The following ARHGEF4 variants were observed in gnomAD, a reference collection of about 807,000 sequenced individuals.
ARHGEF4 encodes the protein Rho guanine nucleotide exchange factor 4, also known as APC-stimulated guanine nucleotide exchange factor 1.
Under a neutral mutation model 162.0 loss-of-function variants are expected in ARHGEF4, and 119 were observed. The ratio of observed to expected loss-of-function variants is 0.73; its 90% CI spans 0.63 to 0.86. The LOEUF (loss-of-function observed/expected upper bound fraction) is 0.86. Ranked by LOEUF, ARHGEF4 falls within the 40% of genes least tolerant of loss-of-function variation. ARHGEF4 has a pLI of 0.00. For synonymous variants in ARHGEF4, 1,014 were observed against 979.9 expected, an observed-to-expected ratio of 1.03 and a Z score of -0.65; for missense variants, 2,488 against 2,456.0, an observed-to-expected ratio of 1.01 and a Z score of -0.28.
At chr2:130,926,048 C>CTTTCTT in intron 2 of ARHGEF4, among the ~76,000 whole-genome samples, 39 of 53,414 alleles carry the variant, frequency 7.3e-4, no homozygotes, top group South Asian at 1.6e-3. Flanking sequence ...TTCTTTCTTT[C>CTTTCTT]TCTTTCTTTC....
chr2:130,870,986 C>T (rs536182116), intron 1 of ARHGEF4, among the ~76,000 whole-genome samples: 1 of 152,192 alleles, frequency 6.6e-6, no homozygotes, highest in Non-Finnish European at 1.5e-5. Context: ...CTAGGTAAGC[C>T]GTGGTGAACA....
intron 6 of ARHGEF4, chr2:131,039,254 G>A (rs1258315943): frequency 1.6e-5 from 21 of 1,295,020 alleles, no homozygotes; most frequent in Middle Eastern, 2.8e-4. Context: ...GAGAGCAGTC[G>A]AGAAATGAGT....
intron 1 of ARHGEF4, among the ~76,000 whole-genome samples, chr2:130,879,345 A>G (rs1480619418): frequency 6.6e-6 from 1 of 152,200 alleles, no homozygotes; most frequent in African/African-American, 2.4e-5. Flanking sequence ...ATATATATTT[A>G]TGGTGTACAA....
At chr2:130,876,052 G>GTCAGCTT (rs1205634067) in intron 1 of ARHGEF4, among the ~76,000 whole-genome samples, 1 of 152,222 alleles carries the variant, frequency 6.6e-6, no homozygotes, top group Non-Finnish European at 1.5e-5. Context: ...TACCTGGAAT[G>GTCAGCTT]TCAGCTTTTT....
intron 10 of ARHGEF4, among the ~76,000 whole-genome samples, chr2:131,042,655 G>A (rs1034132826): frequency 5.3e-5 from 8 of 152,190 alleles, no homozygotes; most frequent in Admixed American, 1.3e-4. Flanking sequence ...GCCCTGGGGC[G>A]GGGCTGAGGA....
intron 1 of ARHGEF4, among the ~76,000 whole-genome samples, chr2:130,840,090 CA>C: frequency 6.6e-6 from 1 of 152,070 alleles, no homozygotes; most frequent in East Asian, 1.9e-4. Flanking sequence ...CTGAGTACTG[CA>C]GCAGGAAGCA....
chr2:131,043,668 C>T, intron 11 of ARHGEF4, 85 bp downstream of exon 11: 1 of 1,592,454 alleles, frequency 6.3e-7, no homozygotes, highest in East Asian at 2.2e-5. Flanking sequence ...GCCCAGAAGA[C>T]AGGTGCCAGC....
chr2:130,976,069 T>C (rs1346736933), intron 4 of ARHGEF4, among the ~76,000 whole-genome samples: 1 of 152,136 alleles, frequency 6.6e-6, no homozygotes. Context: ...CCGTGTTTAC[T>C]CTGCTCGGAC....
At chr2:130,939,553 C>A (rs1023035018) in intron 3 of ARHGEF4, among the ~76,000 whole-genome samples, 2 of 151,944 alleles carry the variant, frequency 1.3e-5, no homozygotes, top group Admixed American at 6.6e-5. Context: ...TTTTTTTCAA[C>A]ATTGTTTTAC....
intron 1 of ARHGEF4, among the ~76,000 whole-genome samples, chr2:130,894,684 A>G (rs1680053670): frequency 6.6e-6 from 1 of 151,920 alleles, no homozygotes. Context: ...AGGAAGAACT[A>G]GTGAGGCTCC....
At chr2:130,840,177 GACACACAGGCAC>G (rs1680508551) in intron 1 of ARHGEF4, among the ~76,000 whole-genome samples, 2 of 151,694 alleles carry the variant, frequency 1.3e-5, no homozygotes, top group Admixed American at 1.3e-4. Context: ...ACACACTTGG[GACACACAGGCAC>G]ACACACAGAC....
chr2:131,025,326 C>A (rs1049509723), intron 4 of ARHGEF4, among the ~76,000 whole-genome samples: 1 of 152,190 alleles, frequency 6.6e-6, no homozygotes, highest in Non-Finnish European at 1.5e-5. Flanking sequence ...GGAAATCCGC[C>A]CCCATGATCC....
intron 1 of ARHGEF4, among the ~76,000 whole-genome samples, chr2:130,848,236 C>T (rs1681135077): frequency 6.6e-6 from 1 of 152,156 alleles, no homozygotes; most frequent in Non-Finnish European, 1.5e-5. Flanking sequence ...TGCTCCCGCC[C>T]ACCCTGTGGG....
chr2:130,866,890 AG>A (rs1682316847), intron 1 of ARHGEF4, among the ~76,000 whole-genome samples: 1 of 152,170 alleles, frequency 6.6e-6, no homozygotes, highest in Admixed American at 6.5e-5. Context: ...GGGATGAGTT[AG>A]GAAGTGTTCT....
chr2:130,968,169 A>C (rs768005865), intron 4 of ARHGEF4, among the ~76,000 whole-genome samples: 14 of 152,196 alleles, frequency 9.2e-5, no homozygotes, highest in Non-Finnish European at 1.5e-4. Flanking sequence ...TAGATACACA[A>C]AGTGACTCTG....
At chr2:130,867,420 T>G (rs1393802744) in intron 1 of ARHGEF4, among the ~76,000 whole-genome samples, 4 of 151,806 alleles carry the variant, frequency 2.6e-5, no homozygotes, top group African/African-American at 9.7e-5. Context: ...GTATTTTTAG[T>G]AGAGAGGGGG....
In ARHGEF4 at chr2:131,041,866, G is replaced by A. The variant is rs764654536; in HGVS notation, c.4947G>A (p.Gln1649=). 1 of 1,613,662 alleles carries A rather than the reference G, an allele frequency of 6.2e-7. No homozygotes were observed. Among genetic ancestry groups the A allele is most frequent in the Non-Finnish European group, 8.5e-7 (1 of 1,180,016 alleles). The change falls in exon 10 of 14, where the codon CAG becomes CAA. Residue 1649 remains glutamine, a synonymous_variant. Coordinates refer to ENST00000409359, the MANE Select transcript of ARHGEF4 (RefSeq NM_001367493.1). ...TGCATGCCATGAAGAACGTGGCCCA[G>A]CTCATCAACGAGCGGAAGCGGAGAC... ...AALHAMKNVA[Q]LINERKRRLE...
chr2:130,970,504 G>T (rs956553560), intron 4 of ARHGEF4, among the ~76,000 whole-genome samples: 2 of 149,928 alleles, frequency 1.3e-5, no homozygotes, highest in African/African-American at 2.5e-5. Flanking sequence ...CAGGAGAATC[G>T]CTTGAACCCG....
Position 131,044,396 on chromosome 2 carries a change from A to G in ARHGEF4, c.5255A>G (p.His1752Arg). The part of the protein sequence containing the change: ...DLEDGKDRDL[H>R]VSIKNAFRLH... Reference sequence around the variant, plus strand: ...GAGGACGGGAAGGACAGAGACCTCCATGTGAGCATCAAGAACGCCTTCCGG... The same window carrying G: ...GAGGACGGGAAGGACAGAGACCTCCGTGTGAGCATCAAGAACGCCTTCCGG... The change falls in exon 12 of 14, where the codon CAT becomes CGT. Residue 1752 changes from histidine (H) to arginine (R), a missense_variant. Transcript: ENST00000409359. 5 of 1,586,502 alleles carry G rather than the reference A, an allele frequency of 3.2e-6. No individual in the cohort carries two copies. The highest frequency in any genetic ancestry group is 4.3e-6 in the Non-Finnish European group (5 of 1,166,398).
Sources: gnomAD v4.1 joint callset for allele counts (sites outside exome capture counted in the v4.1 genomes callset) on GRCh38, gnomAD v4.1.1 for gene constraint, MANE v1.5 for transcripts, NCBI Gene and HGNC (gene_info 2026-07-23, HGNC 2026-07-21) for gene names.